Variants in EDA observed in about 807,000 individuals in gnomAD.
EDA encodes ectodysplasin A.
In EDA, 2 loss-of-function variants were observed where a neutral mutation model predicts 23.6. The ratio of observed to expected loss-of-function variants is 0.08; its 90% confidence interval spans 0.03 to 0.27. EDA has a LOEUF of 0.27. Among genes scored for constraint, EDA ranks in the 10% least tolerant of loss-of-function variants. EDA has a pLI of 1.00. For missense variants in EDA, 229 were observed against 324.2 expected, an observed-to-expected ratio of 0.71 and a Z score of 2.26; for synonymous variants, 131 against 132.0, an observed-to-expected ratio of 0.99 and a Z score of 0.05.
At chrX:69,883,880 T>C (rs1400724929) in intron 1 of EDA, among the ~76,000 whole-genome samples, 1 of 109,996 alleles carries the variant, frequency 9.1e-6, no homozygotes, top group East Asian at 2.9e-4. Flanking sequence ...GAGGATCACT[T>C]GAGCCCGGGA....
intron 1 of EDA, among the ~76,000 whole-genome samples, chrX:69,862,809 G>A (rs766872049): frequency 1.8e-5 from 2 of 110,821 alleles, no homozygotes; most frequent in Non-Finnish European, 3.8e-5. Context: ...CAACACAAAT[G>A]CCTGCATAAT....
intron 2 of EDA, among the ~76,000 whole-genome samples, chrX:69,972,467 C>A (rs1173121464): frequency 9.0e-6 from 1 of 111,417 alleles, no homozygotes. Context: ...AACATTTGTT[C>A]CAGTTTTTAT....
intron 1 of EDA, among the ~76,000 whole-genome samples, chrX:69,952,964 T>C (rs1199948188): frequency 1.8e-5 from 2 of 111,654 alleles, no homozygotes; most frequent in African/African-American, 6.5e-5. Context: ...TCATCTGCAT[T>C]TCAAAATATC....
In EDA at chrX:70,035,501, C is replaced by T; in HGVS notation, c.1068C>T (p.Ala356=). Residue 356 remains alanine, a synonymous_variant, in exon 8 of 8, where the codon GCC becomes GCT. Transcript: ENST00000374552. ...CCGCAGGCGTCTGCCTCCTCAAGGC[C>T]CGGCAGAAGATCGCCGTCAAGATGG... ...CYTAGVCLLK[A]RQKIAVKMVH... The T allele has an allele frequency of 5.0e-6, 6 of 1,210,057 alleles. No individual in the cohort carries two copies. The highest frequency in any genetic ancestry group is 6.7e-6 in the Non-Finnish European group (6 of 895,183).
intron 1 of EDA, among the ~76,000 whole-genome samples, chrX:69,906,449 T>C (rs991729115): frequency 1.8e-5 from 2 of 112,500 alleles, no homozygotes; most frequent in African/African-American, 6.5e-5. Context: ...TTTTAAAATA[T>C]CACATTGAGA....
intron 1 of EDA, among the ~76,000 whole-genome samples, chrX:69,740,079 C>G (rs2013403791): frequency 9.0e-6 from 1 of 111,277 alleles, no homozygotes; most frequent in Admixed American, 9.6e-5. Flanking sequence ...CTGTGTGGTG[C>G]TGTTATTGTC....
intron 1 of EDA, among the ~76,000 whole-genome samples, chrX:69,807,358 G>A (rs1384724982): frequency 9.7e-6 from 1 of 103,064 alleles, no homozygotes. Flanking sequence ...AGAAGAAAAT[G>A]GTTGTGTGCT....
intron 1 of EDA, among the ~76,000 whole-genome samples, chrX:69,789,618 G>T (rs1012766119): frequency 8.9e-6 from 1 of 111,850 alleles, no homozygotes; most frequent in Non-Finnish European, 1.9e-5. Flanking sequence ...TCATGAATTT[G>T]ATGTACCCTC....
intron 1 of EDA, among the ~76,000 whole-genome samples, chrX:69,662,079 A>T (rs1026789067): frequency 1.8e-5 from 2 of 111,331 alleles, no homozygotes; most frequent in Non-Finnish European, 3.8e-5. Context: ...TGTTTATCCT[A>T]TATATCTGCT....
intron 1 of EDA, among the ~76,000 whole-genome samples, chrX:69,800,245 G>A (rs140912200): frequency 3.6e-5 from 4 of 111,735 alleles, no homozygotes; most frequent in African/African-American, 6.5e-5. Flanking sequence ...AGGGGATGAC[G>A]TGGAAGGGAT....
At chrX:69,866,978 T>C (rs2017496435) in intron 1 of EDA, among the ~76,000 whole-genome samples, 2 of 112,236 alleles carry the variant, frequency 1.8e-5, no homozygotes, top group Admixed American at 1.9e-4. Flanking sequence ...CTGGAGTAAG[T>C]GCCTATTCCA....
intron 2 of EDA, among the ~76,000 whole-genome samples, chrX:69,986,962 A>T (rs1180057513): frequency 4.2e-5 from 3 of 72,024 alleles, no homozygotes; most frequent in Non-Finnish European, 7.4e-5. Flanking sequence ...TGATGAGTTC[A>T]TGTCCTTTGT....
intron 2 of EDA, among the ~76,000 whole-genome samples, chrX:69,995,425 G>C (rs1457685751): frequency 4.4e-5 from 5 of 112,495 alleles, no homozygotes; most frequent in African/African-American, 1.6e-4. Context: ...TCATATGACA[G>C]TGAAGTCACC....
chrX:69,829,465 C>T (rs1682588770), intron 1 of EDA, among the ~76,000 whole-genome samples: 2 of 112,009 alleles, frequency 1.8e-5, no homozygotes, highest in Non-Finnish European at 3.8e-5. Flanking sequence ...AATGTAAAGA[C>T]AAGAAACTGG....
chrX:69,824,372 C>G (rs1284372322), intron 1 of EDA, among the ~76,000 whole-genome samples: 2 of 108,371 alleles, frequency 1.8e-5, no homozygotes, highest in Non-Finnish European at 3.8e-5. Flanking sequence ...CTTTTATTTC[C>G]TTGAGCAGTG....
At chrX:69,953,791 T>C (rs1045947405) in intron 1 of EDA, among the ~76,000 whole-genome samples, 9 of 112,014 alleles carry the variant, frequency 8.0e-5, no homozygotes, top group Non-Finnish European at 1.9e-5. Flanking sequence ...TATTCATTCA[T>C]ACATATGAAA....
At chrX:69,947,300 A>G (rs1440196271) in intron 1 of EDA, among the ~76,000 whole-genome samples, 1 of 112,587 alleles carries the variant, frequency 8.9e-6, no homozygotes, top group South Asian at 3.7e-4. Flanking sequence ...TATATGACAT[A>G]CATACAAACC....
intron 2 of EDA, among the ~76,000 whole-genome samples, chrX:70,012,636 TC>T (rs2019892317): frequency 8.9e-6 from 1 of 112,808 alleles, no homozygotes; most frequent in East Asian, 2.8e-4. Context: ...CTTTGTTTTT[TC>T]CCAAGGGATA....
At position 69,953,910 on chromosome X, in the gene EDA, A is replaced by G. The variant is rs189085573; in HGVS notation, c.397-3117A>G. Among the ~76,000 whole-genome samples, 46 of 112,120 alleles carry G rather than the reference A, an allele frequency of 4.1e-4. 1 individual carries two copies. Among genetic ancestry groups the G allele is most frequent in the African/African-American group, 1.4e-3 (43 of 30,928 alleles). ...GGGTACTGGAGAATGACTGAAGGGC[A>G]CAAGAGAAAATTTTAGGGGGTGATG... is the stretch of plus-strand genomic sequence containing the variant. On this transcript the variant is annotated intron_variant, in intron 1 of 7. Coordinates refer to ENST00000374552, the MANE Select transcript of EDA (RefSeq NM_001399.5).
Sources: allele counts gnomAD v4.1 joint callset (sites outside exome capture counted in the v4.1 genomes callset), GRCh38; gene constraint gnomAD v4.1.1; transcripts MANE v1.5; gene names NCBI Gene and HGNC (gene_info 2026-07-23, HGNC 2026-07-21).